The following NAALADL2 variants were observed in gnomAD, a reference collection of about 807,000 sequenced individuals.
The protein encoded by NAALADL2 is inactive N-acetylated-alpha-linked acidic dipeptidase-like protein 2.
NAALADL2 carries 76 observed loss-of-function variants against 87.2 expected under a neutral mutation model. The observed-to-expected ratio is 0.87, with a 90% CI of 0.72 to 1.05. The LOEUF (loss-of-function observed/expected upper bound fraction) is 1.05, where lower values mean the gene tolerates loss of function less well. Ranked by LOEUF, NAALADL2 falls within the 50% of genes least tolerant of loss-of-function variation. The pLI is 0.00. For synonymous variants in NAALADL2, 354 were observed against 331.0 expected, an observed-to-expected ratio of 1.07 and a Z score of -0.75; for missense variants, 1,089 against 945.8, an observed-to-expected ratio of 1.15 and a Z score of -1.99.
At chr3:175,450,238 A>G (rs991453490) in intron 6 of NAALADL2, among the ~76,000 whole-genome samples, 1 of 152,218 alleles carries the variant, frequency 6.6e-6, no homozygotes, top group Non-Finnish European at 1.5e-5. Flanking sequence ...GATGTATATC[A>G]GGATGAAACA....
chr3:175,090,068 GAAGT>G (rs1457837928), intron 1 of NAALADL2, among the ~76,000 whole-genome samples: 3 of 152,044 alleles, frequency 2.0e-5, no homozygotes, highest in African/African-American at 7.2e-5. Flanking sequence ...AAATTTGATA[GAAGT>G]AAGTACAGTA....
chr3:174,763,130 C>A (rs952898967), intron 3 of NAALADL2, among the ~76,000 whole-genome samples: 13 of 149,804 alleles, frequency 8.7e-5, no homozygotes, highest in Admixed American at 8.7e-4. Flanking sequence ...ATTAGGTTAA[C>A]CTTATTTTAC....
chr3:175,023,056 G>A (rs1025546016), intron 1 of NAALADL2, among the ~76,000 whole-genome samples: 1 of 152,016 alleles, frequency 6.6e-6, no homozygotes, highest in Non-Finnish European at 1.5e-5. Flanking sequence ...TAGTTGTACT[G>A]AAGTCATTAT....
intron 12 of NAALADL2, among the ~76,000 whole-genome samples, chr3:175,740,352 A>T (rs771777176): frequency 3.9e-5 from 6 of 152,288 alleles, no homozygotes; most frequent in Non-Finnish European, 8.8e-5. Context: ...TCCGAAAGAA[A>T]ATGGGAGGTG....
At chr3:175,413,325 C>G (rs1560511427) in intron 5 of NAALADL2, among the ~76,000 whole-genome samples, 1 of 150,754 alleles carries the variant, frequency 6.6e-6, no homozygotes, top group African/African-American at 2.4e-5. Flanking sequence ...TAATCCCAGC[C>G]TTTTGGGAGG....
intron 5 of NAALADL2, among the ~76,000 whole-genome samples, chr3:175,328,070 G>A (rs1349426931): frequency 2.0e-5 from 3 of 152,148 alleles, no homozygotes; most frequent in Admixed American, 6.5e-5. Context: ...AAGTATTTGG[G>A]GGTATACATT....
chr3:174,466,488 A>C (rs1716544310), intron 1 of NAALADL2, among the ~76,000 whole-genome samples: 1 of 152,056 alleles, frequency 6.6e-6, no homozygotes, highest in African/African-American at 2.4e-5. Context: ...TAAAACTCTT[A>C]CTGTGAAGCA....
intron 3 of NAALADL2, among the ~76,000 whole-genome samples, chr3:174,768,192 A>T (rs1323765764): frequency 6.6e-6 from 1 of 152,150 alleles, no homozygotes; most frequent in Non-Finnish European, 1.5e-5. Flanking sequence ...GAGTTGGAGG[A>T]TGATAAATTG....
At chr3:175,694,993 T>C (rs920398321) in intron 11 of NAALADL2, among the ~76,000 whole-genome samples, 1 of 152,018 alleles carries the variant, frequency 6.6e-6, no homozygotes, top group Non-Finnish European at 1.5e-5. Context: ...TCGACTTCAC[T>C]GCTGTTAGAC....
At chr3:175,094,733 T>TAAA (rs145643714) in intron 1 of NAALADL2, among the ~76,000 whole-genome samples, 1 of 128,992 alleles carries the variant, frequency 7.8e-6, no homozygotes, top group East Asian at 2.5e-4. Flanking sequence ...GACTAAATGT[T>TAAA]AAAAAAAAAG....
chr3:174,809,469 A>C (rs1719908093), intron 3 of NAALADL2, among the ~76,000 whole-genome samples: 1 of 152,214 alleles, frequency 6.6e-6, no homozygotes, highest in Admixed American at 6.5e-5. Flanking sequence ...TTGTAATAGC[A>C]CAGTAAAAAG....
At chr3:175,158,793 G>T (rs1672834922) in intron 2 of NAALADL2, among the ~76,000 whole-genome samples, 1 of 151,984 alleles carries the variant, frequency 6.6e-6, no homozygotes, top group African/African-American at 2.4e-5. Flanking sequence ...TAGAGTTCTT[G>T]AAATTGTCAG....
chr3:174,698,000 A>G (rs1729188282), intron 2 of NAALADL2, among the ~76,000 whole-genome samples: 1 of 152,140 alleles, frequency 6.6e-6, no homozygotes, highest in Admixed American at 6.5e-5. Context: ...CTGAACCAGG[A>G]GAATCGCTTG....
At chr3:175,508,859 T>G (rs1730734155) in intron 9 of NAALADL2, among the ~76,000 whole-genome samples, 1 of 152,174 alleles carries the variant, frequency 6.6e-6, no homozygotes, top group African/African-American at 2.4e-5. Context: ...CTCATGCCTG[T>G]AATCCCAGCA....
chr3:174,507,337 C>T (rs1344025101), intron 1 of NAALADL2, among the ~76,000 whole-genome samples: 1 of 152,124 alleles, frequency 6.6e-6, no homozygotes, highest in Non-Finnish European at 1.5e-5. Context: ...TGTTCAAGAG[C>T]TACAAACTAA....
At chr3:174,678,680 A>C (rs1313193771) in intron 2 of NAALADL2, among the ~76,000 whole-genome samples, 2 of 152,170 alleles carry the variant, frequency 1.3e-5, no homozygotes, top group African/African-American at 4.8e-5. Context: ...CTCATTTGCC[A>C]CTGGGGTGTT....
rs867372414 is a variant in NAALADL2 at position 175,097,291 on chromosome 3, G to A, written c.545G>A (p.Arg182Lys). Residue 182 changes from arginine (R) to lysine (K), a missense_variant and splice_region_variant, in exon 2 of 14, where the codon AGA becomes AAA. Transcript: ENST00000454872. ...IQAEDIKKSFRNLVQLYKNED... is the reference protein window; with the variant it reads ...IQAEDIKKSFKNLVQLYKNED... ...GCAGAAGATATTAAGAAGTCTTTCAGGTAGGTGAAGAAGAAACAGATGTTG... is the reference window on the plus strand; with the variant it reads ...GCAGAAGATATTAAGAAGTCTTTCAAGTAGGTGAAGAAGAAACAGATGTTG... 1.9e-6 allele frequency: 3 copies of A among 1,603,024 alleles called. No homozygotes were observed. The highest frequency in any genetic ancestry group is 2.6e-6 in the Non-Finnish European group (3 of 1,174,270).
intron 2 of NAALADL2, among the ~76,000 whole-genome samples, chr3:175,097,578 G>C (rs1378645947): frequency 6.6e-6 from 1 of 152,102 alleles, no homozygotes; most frequent in Non-Finnish European, 1.5e-5. Context: ...GGTGAGCCTT[G>C]TTAGGCCAAA....
At position 175,592,302 on chromosome 3, in the gene NAALADL2, CT is replaced by C. The variant is rs1560815929; in HGVS notation, c.1800+16119del. 3.6e-5 allele frequency among the ~76,000 whole-genome samples: 5 copies of C among 140,402 alleles called. No homozygotes were observed. The East Asian group carries it at 1.0e-3, about 29-fold the overall frequency. The allele number at this position is 140,402 out of a possible 152,430, so 92.1% of individuals were successfully genotyped here. A position where few individuals can be genotyped will look rare whatever the true frequency, so the allele number is the denominator to read the frequency against. On this transcript the variant is annotated intron_variant, in intron 10 of 13. Transcript: ENST00000454872. Reference sequence around the variant, plus strand: ...CACCCTAGTCTATTCTTTTCTTTTTCTTTTCTTTTTTTTTTTTTTTTTGTCA... The same window carrying C: ...CACCCTAGTCTATTCTTTTCTTTTTCTTTCTTTTTTTTTTTTTTTTTGTCA...
Sources: gnomAD v4.1 joint callset for allele counts (sites outside exome capture counted in the v4.1 genomes callset) on GRCh38, gnomAD v4.1.1 for gene constraint, MANE v1.5 for transcripts, NCBI Gene and HGNC (gene_info 2026-07-23, HGNC 2026-07-21) for gene names.